PITPNB: variants seen among roughly 807,000 people sequenced by gnomAD.
The protein encoded by PITPNB is phosphatidylinositol transfer protein beta, also known as phosphatidylinositol transfer protein beta isoform.
In PITPNB, 16 loss-of-function variants were observed where a neutral mutation model predicts 45.9. The ratio of observed to expected loss-of-function variants is 0.35; its 90% CI spans 0.24 to 0.53. The LOEUF (loss-of-function observed/expected upper bound fraction) is 0.53, where lower values mean the gene tolerates loss of function less well. Ranked by LOEUF, PITPNB falls within the 20% of genes least tolerant of loss-of-function variation. The pLI, the probability that PITPNB is intolerant of heterozygous loss-of-function variation, is 0.93. For missense variants in PITPNB, 188 were observed against 330.5 expected (o/e 0.57, Z 3.34); for synonymous variants, 112 against 108.9 (o/e 1.03, Z -0.18).
Position 27,897,829 on chromosome 22 carries a change from G to A in PITPNB, c.261C>T (p.Ala87=), listed in dbSNP as rs958441984. 1 of 1,613,832 alleles carries A rather than the reference G, an allele frequency of 6.2e-7. No homozygotes were observed. The highest frequency in any genetic ancestry group is 8.5e-7 in the Non-Finnish European group (1 of 1,179,722). Residue 87 remains alanine, a synonymous_variant, in exon 4 of 12, where the codon GCC becomes GCT. Transcript: ENST00000335272. The part of the protein sequence containing the change: ...PEGSLVFHEK[A]WNAYPYCRTI... ...TTCTACAGTAGGGGTACGCATTCCA[G>A]GCTTTCTCATGAAACACCAAGGAGC...
rs540900805 is a variant in PITPNB, at chr22:27,870,024, T to C, written c.534+3714A>G. Among the ~76,000 whole-genome samples, 386 of 152,320 alleles carry C rather than the reference T, an allele frequency of 2.5e-3. 3 individuals are homozygous for C. Among genetic ancestry groups the C allele is most frequent in the Middle Eastern group, 0.017 (5 of 294 alleles). ...TAGGGCATCACACAATTGCCAATGA[T>C]GCAACAGGGCATAAAAGGTACAGAA... On this transcript the variant is annotated intron_variant, in intron 8 of 11. Coordinates refer to ENST00000335272, the MANE Select transcript of PITPNB (RefSeq NM_012399.5).
chr22:27,878,977 A>G (rs1226129763), intron 7 of PITPNB, among the ~76,000 whole-genome samples: 1 of 152,184 alleles, frequency 6.6e-6, no homozygotes. Flanking sequence ...TGAATTTTAA[A>G]CAACTGTATT....
At chr22:27,914,295 T>C (rs753396054) in intron 2 of PITPNB, 22 bp downstream of exon 2, 4 of 1,536,572 alleles carry the variant, frequency 2.6e-6, no homozygotes, top group Non-Finnish European at 2.7e-6. Context: ...AATAAAATGA[T>C]GCAGAAGCAA....
chr22:27,859,294 C>A (rs2146347620), intron 9 of PITPNB, among the ~76,000 whole-genome samples: 1 of 152,204 alleles, frequency 6.6e-6, no homozygotes, highest in East Asian at 1.9e-4. Flanking sequence ...TGTAAGCAGG[C>A]CCATGAATAA....
chr22:27,914,138 T>C (rs1332487632), intron 2 of PITPNB, among the ~76,000 whole-genome samples, 179 bp downstream of exon 2: 2 of 152,220 alleles, frequency 1.3e-5, no homozygotes, highest in Non-Finnish European at 2.9e-5. Context: ...AGCAAGAAAT[T>C]CATTATCATT....
intron 7 of PITPNB, among the ~76,000 whole-genome samples, chr22:27,886,632 A>C (rs1245325467): frequency 6.6e-6 from 1 of 152,200 alleles, no homozygotes; most frequent in Non-Finnish European, 1.5e-5. Flanking sequence ...CTGACAACCT[A>C]GCTGAGAGAG....
In PITPNB at chr22:27,852,078, G is replaced by A. The variant is rs2146339373; in HGVS notation, c.*1624C>T. 2 of 152,320 alleles carry A rather than the reference G, an allele frequency of 1.3e-5. No individual in the cohort carries two copies. The highest frequency in any genetic ancestry group is 3.9e-4 in the East Asian group (2 of 5,186). 9.4% of individuals were successfully genotyped at this position (152,320 alleles called of 1,614,324 possible). The stretch of plus-strand genomic sequence containing the variant: ...ATGAAATGTGGGTTTTGTTGCTGAG[G>A]ATAACAGGGTATTGCAATGCAGTAG... On this transcript the variant is annotated 3_prime_UTR_variant, in exon 12 of 12. Coordinates refer to ENST00000335272, the MANE Select transcript of PITPNB (RefSeq NM_012399.5).
chr22:27,865,814 C>A (rs559639495), intron 8 of PITPNB, among the ~76,000 whole-genome samples: 12 of 152,172 alleles, frequency 7.9e-5, no homozygotes, highest in Non-Finnish European at 1.5e-4. Flanking sequence ...CATGTGTTTA[C>A]CTACATAACA....
At chr22:27,871,829 A>C (rs1934669146) in intron 8 of PITPNB, among the ~76,000 whole-genome samples, 2 of 152,186 alleles carry the variant, frequency 1.3e-5, no homozygotes, top group Admixed American at 6.5e-5. Context: ...AGGTGTTTGC[A>C]TCATGACTGC....
At chr22:27,904,572 A>C (rs5997323) in intron 3 of PITPNB, among the ~76,000 whole-genome samples, 61 of 152,388 alleles carry the variant, frequency 4.0e-4, no homozygotes, top group African/African-American at 1.4e-3. Flanking sequence ...AACTCTGTGA[A>C]TATACCAAAA....
At chr22:27,877,026 G>A (rs545976772) in intron 7 of PITPNB, among the ~76,000 whole-genome samples, 1 of 152,316 alleles carries the variant, frequency 6.6e-6, no homozygotes, top group East Asian at 1.9e-4. Context: ...TGGGTATTCT[G>A]AAGGCTGAAT....
chr22:27,867,478 G>C (rs1934518623), intron 8 of PITPNB, among the ~76,000 whole-genome samples: 1 of 152,146 alleles, frequency 6.6e-6, no homozygotes, highest in Non-Finnish European at 1.5e-5. Context: ...TCACAAAAAG[G>C]CGAAATAAGA....
intron 7 of PITPNB, among the ~76,000 whole-genome samples, chr22:27,884,349 T>C (rs1935057108): frequency 6.6e-6 from 1 of 152,036 alleles, no homozygotes; most frequent in Non-Finnish European, 1.5e-5. Context: ...TAGTGTGAAG[T>C]TAAAAAGGAC....
rs1935377511 is a variant in PITPNB at position 27,894,451 on chromosome 22, G to T, written c.456+104C>A. 6 of 679,788 alleles carry T rather than the reference G, an allele frequency of 8.8e-6. No individual in the cohort carries two copies. In the South Asian group the frequency reaches 1.1e-4, roughly 12 times the overall value. The allele number at this position is 679,788 out of a possible 1,614,324, so 42.1% of individuals were successfully genotyped here. The stretch of plus-strand genomic sequence containing the variant: ...CGGCATAGAAATGTAGGCCATACAA[G>T]AAAGAAAGGAAATAATTTTTTTAAC... On this transcript the variant is annotated intron_variant, in intron 7 of 11. Coordinates refer to ENST00000335272, the MANE Select transcript of PITPNB (RefSeq NM_012399.5).
At chr22:27,919,129 A>G (rs778839138) in intron 1 of PITPNB, 43 bp downstream of exon 1, 2 of 1,613,704 alleles carry the variant, frequency 1.2e-6, no homozygotes, top group African/African-American at 1.3e-5. Context: ...ATCTCCCATC[A>G]CTGCCGTCCC....
At chr22:27,858,273 T>G (rs1701693106) in intron 10 of PITPNB, 114 bp downstream of exon 10, 1 of 792,014 alleles carries the variant, frequency 1.3e-6, no homozygotes, top group Non-Finnish European at 2.0e-6. Context: ...ATAAGTAGAA[T>G]AGGGAATGAT....
chr22:27,914,233 T>C (rs1239229327), intron 2 of PITPNB, 84 bp downstream of exon 2: 2 of 813,480 alleles, frequency 2.5e-6, no homozygotes, highest in African/African-American at 1.7e-5. Context: ...GGTAAATCAA[T>C]ACTACGAAAA....
At chr22:27,870,832 C>T (rs1476135521) in intron 8 of PITPNB, among the ~76,000 whole-genome samples, 1 of 152,210 alleles carries the variant, frequency 6.6e-6, no homozygotes, top group Non-Finnish European at 1.5e-5. Context: ...TTATTTCCCT[C>T]CACAGCAGCA....
chr22:27,863,211 A>G (rs1003009885), intron 8 of PITPNB, among the ~76,000 whole-genome samples: 12 of 152,328 alleles, frequency 7.9e-5, no homozygotes, highest in Middle Eastern at 6.8e-3. Context: ...CCTGTTTAAC[A>G]AAGGTCAGGA....
Sources: gnomAD v4.1 joint callset for allele counts (sites outside exome capture counted in the v4.1 genomes callset) on GRCh38, gnomAD v4.1.1 for gene constraint, MANE v1.5 for transcripts, NCBI Gene and HGNC (gene_info 2026-07-23, HGNC 2026-07-21) for gene names.